Variants in SCMH1 observed in about 807,000 individuals in gnomAD.
SCMH1 encodes the protein polycomb protein SCMH1.
A neutral mutation model predicts 70.8 loss-of-function variants in SCMH1; 37 were observed. The observed-to-expected ratio is 0.52, with a 90% CI of 0.40 to 0.69. The LOEUF is 0.69. SCMH1 is among the 30% of genes least tolerant of loss of function. The pLI is 0.00. For synonymous variants in SCMH1, 292 were observed against 307.4 expected (o/e 0.95, Z 0.52); for missense variants, 607 against 827.3 (o/e 0.73, Z 3.27).
At chr1:41,241,572 C>T (rs1465434374) in intron 1 of SCMH1, among the ~76,000 whole-genome samples, 1 of 152,176 alleles carries the variant, frequency 6.6e-6, no homozygotes, top group African/African-American at 2.4e-5. Flanking sequence ...GCCAGAATCA[C>T]AGGCATTCCC....
At chr1:41,202,931 GTTTCT>G (rs1254452137) in intron 1 of SCMH1, among the ~76,000 whole-genome samples, 1 of 151,314 alleles carries the variant, frequency 6.6e-6, no homozygotes, top group Non-Finnish European at 1.5e-5. Flanking sequence ...ATTTTCACTT[GTTTCT>G]TTTAACTTTT....
exon 2 of SCMH1, chr1:41,186,173 T>C: frequency 8.2e-7 from 1 of 1,214,458 alleles, no homozygotes; most frequent in Non-Finnish European, 1.2e-6. Flanking sequence ...TTAAGAAGTT[T>C]GGGATTTATC....
intron 14 of SCMH1, 130 bp downstream of exon 15, chr1:41,028,454 T>C (rs2148475412): frequency 6.7e-7 from 1 of 1,495,744 alleles, no homozygotes; most frequent in South Asian, 1.2e-5. Flanking sequence ...CCTGCTGTGA[T>C]GCTGAAGCCT....
chr1:41,042,969 T>A (rs1215831231), intron 12 of SCMH1: 1 of 152,152 alleles, frequency 6.6e-6, no homozygotes, highest in African/African-American at 2.4e-5. Context: ...ACAGGAGAAT[T>A]AAATGCAGTG....
intron 10 of SCMH1, among the ~76,000 whole-genome samples, chr1:41,052,514 T>C (rs1232272541): frequency 6.6e-6 from 1 of 152,196 alleles, no homozygotes; most frequent in Non-Finnish European, 1.5e-5. Context: ...GCCAAAAAGG[T>C]TGAAGATCGA....
chr1:41,053,879 C>G (rs1276535274), intron 10 of SCMH1, among the ~76,000 whole-genome samples: 1 of 151,678 alleles, frequency 6.6e-6, no homozygotes, highest in African/African-American at 2.4e-5. Context: ...GAGTCTTGCT[C>G]TGTCGCCCAG....
In SCMH1 at chr1:41,113,934, CA is replaced by C. The variant is rs1357312944; in HGVS notation, c.502-409del. Among the ~76,000 whole-genome samples the C allele has an allele frequency of 6.6e-6, 1 of 152,046 alleles. No individual in the cohort carries two copies. Among genetic ancestry groups the C allele is most frequent in the Non-Finnish European group, 1.5e-5 (1 of 68,000 alleles). On this transcript the variant is annotated intron_variant, in intron 7 of 14. Transcript: ENST00000337495. This position sits in a 1 kb window ranked among gnomAD's most constrained non-coding sequence, Gnocchi z 4.3. ...GTATTATACTGTATATATCATTGTACAATTTGCTTTTTGTTTAGCAGTATGT... is the reference window on the plus strand; with the variant it reads ...GTATTATACTGTATATATCATTGTACATTTGCTTTTTGTTTAGCAGTATGT...
chr1:41,118,490 A>G (rs1321212168), intron 6 of SCMH1, among the ~76,000 whole-genome samples: 1 of 152,220 alleles, frequency 6.6e-6, no homozygotes, highest in Non-Finnish European at 1.5e-5. Flanking sequence ...GTTCCTCTCA[A>G]TGTAAACTAA....
At chr1:41,097,896 C>G (rs985605443) in intron 8 of SCMH1, among the ~76,000 whole-genome samples, 1 of 152,162 alleles carries the variant, frequency 6.6e-6, no homozygotes, top group Non-Finnish European at 1.5e-5. Flanking sequence ...ATAAGCCGTG[C>G]TATTCTTTCA....
chr1:41,203,632 G>C (rs1261762733), intron 1 of SCMH1, among the ~76,000 whole-genome samples: 1 of 152,168 alleles, frequency 6.6e-6, no homozygotes, highest in Non-Finnish European at 1.5e-5. Context: ...GAAGGTTGTG[G>C]GTTTACTGGA....
At chr1:41,128,597 G>C (rs79065897) in intron 6 of SCMH1, among the ~76,000 whole-genome samples, 11,869 of 151,964 alleles carry the variant, frequency 0.078, 597 homozygotes, top group South Asian at 0.13. Context: ...TCTTTATCGT[G>C]GGTTTTCAGC....
intron 13 of SCMH1, among the ~76,000 whole-genome samples, chr1:41,034,935 A>G (rs539898966): frequency 5.9e-5 from 9 of 152,160 alleles, no homozygotes; most frequent in Non-Finnish European, 1.3e-4. Context: ...CTCCTGCTCT[A>G]ATCCTTGGAG....
chr1:41,159,612 G>A, intron 4 of SCMH1: 1 of 1,193,834 alleles, frequency 8.4e-7, no homozygotes, highest in Non-Finnish European at 1.1e-6. Context: ...CAAATTGTCT[G>A]ACTCCTATGT....
intron 7 of SCMH1, among the ~76,000 whole-genome samples, chr1:41,114,795 G>A (rs1459773581): frequency 6.6e-6 from 1 of 151,924 alleles, no homozygotes; most frequent in Non-Finnish European, 1.5e-5. Flanking sequence ...TCCTACCTCA[G>A]CCTCCCAAGT....
At chr1:41,184,809 T>C (rs1426902574) in intron 2 of SCMH1, among the ~76,000 whole-genome samples, 1 of 152,168 alleles carries the variant, frequency 6.6e-6, no homozygotes, top group Non-Finnish European at 1.5e-5. Context: ...GGGAGATAAC[T>C]AGATAAACTT....
chr1:41,214,896 T>C (rs1278968826), intron 1 of SCMH1, among the ~76,000 whole-genome samples: 3 of 152,294 alleles, frequency 2.0e-5, no homozygotes, highest in African/African-American at 4.8e-5. Flanking sequence ...TTCTGCTTCA[T>C]TGCAACAGAA....
chr1:41,233,453 T>C (rs1474112978), intron 1 of SCMH1, among the ~76,000 whole-genome samples: 2 of 152,136 alleles, frequency 1.3e-5, no homozygotes, highest in Admixed American at 6.5e-5. Context: ...ACTATGACTA[T>C]AGATAGCAGA....
chr1:41,224,456 A>C (rs1659887889), intron 1 of SCMH1, among the ~76,000 whole-genome samples: 1 of 152,218 alleles, frequency 6.6e-6, no homozygotes, highest in Non-Finnish European at 1.5e-5. Flanking sequence ...ACTAGTGTTT[A>C]GTAAATAATC....
rs559947866 is a variant in SCMH1, at chr1:41,105,937, C to T, written c.745+7346G>A. On this transcript the variant is annotated intron_variant, in intron 8 of 14. Transcript: ENST00000337495. ...TCACTCAGGCTGGAGTGCAGTGGCA[C>T]GATCTTGGCTCACTGCAACCTCTAC... Among the ~76,000 whole-genome samples the T allele has an allele frequency of 3.8e-3, 579 of 150,522 alleles. 4 individuals are homozygous for T. Among genetic ancestry groups the T allele is most frequent in the African/African-American group, 0.014 (557 of 40,204 alleles).
Sources: allele counts gnomAD v4.1 joint callset (sites outside exome capture counted in the v4.1 genomes callset), GRCh38; gene constraint gnomAD v4.1.1; non-coding constraint Gnocchi (gnomAD v3.1); transcripts MANE v1.5; gene names NCBI Gene and HGNC (gene_info 2026-07-23, HGNC 2026-07-21).